HPSE2: variants seen among roughly 807,000 people sequenced by gnomAD.
The protein encoded by HPSE2 is inactive heparanase-2.
In HPSE2, 38 loss-of-function variants were observed where a neutral mutation model predicts 60.5. The ratio of observed to expected loss-of-function variants is 0.63; its 90% confidence interval spans 0.48 to 0.82. The LOEUF is 0.82. HPSE2 is among the 40% of genes least tolerant of loss of function. The probability of loss-of-function intolerance (pLI) is 0.00; values close to 1 mark genes in which losing one functional copy is unlikely to be tolerated. For synonymous variants in HPSE2, 295 were observed against 293.2 expected (o/e 1.01, Z -0.06); for missense variants, 713 against 740.4 (o/e 0.96, Z 0.43).
chr10:98,569,709 T>G (rs748841519), intron 9 of HPSE2, among the ~76,000 whole-genome samples: 6 of 152,282 alleles, frequency 3.9e-5, no homozygotes, highest in Middle Eastern at 3.4e-3. Context: ...CTATCTGTTT[T>G]GCACGGGACT....
chr10:98,912,128 A>G (rs1328183158), intron 3 of HPSE2, among the ~76,000 whole-genome samples: 1 of 152,206 alleles, frequency 6.6e-6, no homozygotes, highest in Admixed American at 6.6e-5. Context: ...GATAATTACC[A>G]TCAACAGGAT....
intron 9 of HPSE2, among the ~76,000 whole-genome samples, chr10:98,507,196 T>C (rs545566651): frequency 1.8e-4 from 28 of 152,248 alleles, no homozygotes; most frequent in South Asian, 4.1e-4. Context: ...AGGTAACTCA[T>C]AGGTTGATGG....
chr10:98,717,356 C>T (rs1330362754), intron 5 of HPSE2, among the ~76,000 whole-genome samples: 3 of 152,078 alleles, frequency 2.0e-5, no homozygotes, highest in Non-Finnish European at 4.4e-5. Context: ...TAATTTCCTT[C>T]AAGAACTTTA....
At chr10:98,570,759 A>C (rs1944471574) in intron 9 of HPSE2, among the ~76,000 whole-genome samples, 1 of 152,154 alleles carries the variant, frequency 6.6e-6, no homozygotes, top group Non-Finnish European at 1.5e-5. Context: ...GTGGACAACC[A>C]ACCTGGATAG....
At chr10:99,288,059 G>C in the HPSE2 span, among the ~76,000 whole-genome samples, 3 of 152,186 alleles carry the variant, frequency 2.0e-5, no homozygotes, top group Non-Finnish European at 4.4e-5. Context: ...TTGAAAAAAT[G>C]TAAGAATAGG....
At chr10:98,775,825 T>C (rs535179996) in intron 3 of HPSE2, among the ~76,000 whole-genome samples, 1 of 152,294 alleles carries the variant, frequency 6.6e-6, no homozygotes, top group Admixed American at 6.5e-5. Flanking sequence ...AACTGGTGCA[T>C]GTGAAAAAAT....
intron 2 of HPSE2, among the ~76,000 whole-genome samples, chr10:99,162,149 A>G (rs547857798): frequency 1.3e-5 from 2 of 152,304 alleles, no homozygotes; most frequent in South Asian, 4.1e-4. Flanking sequence ...ATAACACTGA[A>G]TCATACACTC....
chr10:99,027,198 TAAAC>T (rs1447812025), intron 3 of HPSE2, among the ~76,000 whole-genome samples: 2 of 149,832 alleles, frequency 1.3e-5, no homozygotes, highest in African/African-American at 4.9e-5. Context: ...TTTGAAAAGT[TAAAC>T]AAAATTGACA....
At chr10:98,884,366 C>T (rs368457145) in intron 3 of HPSE2, among the ~76,000 whole-genome samples, 14 of 152,194 alleles carry the variant, frequency 9.2e-5, no homozygotes, top group African/African-American at 2.6e-4. Flanking sequence ...AGATTTTCGA[C>T]GTAGTTGAAA....
intron 3 of HPSE2, among the ~76,000 whole-genome samples, chr10:98,749,419 C>CAT (rs1284337489): frequency 4.6e-5 from 7 of 150,750 alleles, no homozygotes; most frequent in East Asian, 2.0e-4. Context: ...CATATACATG[C>CAT]ATATATATAT....
intron 3 of HPSE2, among the ~76,000 whole-genome samples, chr10:99,108,609 C>T (rs190544967): frequency 1.3e-5 from 2 of 152,180 alleles, no homozygotes; most frequent in East Asian, 1.9e-4. Flanking sequence ...TACTCTATAA[C>T]GAGACCATAT....
rs1948010048 is a variant in HPSE2 at position 98,689,199 on chromosome 10, C to G, written c.1004+4701G>C. Among the ~76,000 whole-genome samples the G allele has an allele frequency of 3.3e-5, 5 of 152,094 alleles. 1 individual carries two copies. In the South Asian group the frequency reaches 1.0e-3, roughly 32 times the overall value. ...AAATTTCTGCCACATTTTCTTTTTC[C>G]TGTTCGTCTGAACTCTAATTGTGCA... is the stretch of plus-strand genomic sequence containing the variant. On this transcript the variant is annotated intron_variant, in intron 6 of 11. Coordinates refer to ENST00000370552, the MANE Select transcript of HPSE2 (RefSeq NM_021828.5).
At chr10:99,160,284 C>T (rs1846774355) in intron 2 of HPSE2, among the ~76,000 whole-genome samples, 1 of 152,042 alleles carries the variant, frequency 6.6e-6, no homozygotes, top group African/African-American at 2.4e-5. Context: ...ATAGACATTT[C>T]ACCAAAGACA....
chr10:98,509,625 C>A (rs1182879323), intron 9 of HPSE2, among the ~76,000 whole-genome samples: 2 of 151,868 alleles, frequency 1.3e-5, no homozygotes, highest in East Asian at 2.0e-4. Flanking sequence ...CCTCAGCCAC[C>A]CGAGTAGCTG....
chr10:98,505,097 C>T (rs1942157705), intron 9 of HPSE2, among the ~76,000 whole-genome samples: 1 of 152,088 alleles, frequency 6.6e-6, no homozygotes, highest in Non-Finnish European at 1.5e-5. Flanking sequence ...TATCTATTCT[C>T]CTACTGATGG....
intron 3 of HPSE2, among the ~76,000 whole-genome samples, chr10:99,001,266 A>G (rs1956771840): frequency 6.6e-6 from 1 of 152,094 alleles, no homozygotes; most frequent in Admixed American, 6.6e-5. Context: ...CTCTCACTAT[A>G]GGTCACAGCA....
chr10:99,066,907 T>C (rs2096206), intron 3 of HPSE2, among the ~76,000 whole-genome samples: 99,921 of 151,926 alleles, frequency 0.66, 37,028 homozygotes, highest in Non-Finnish European at 0.81. Flanking sequence ...TGAGACAAGG[T>C]AAGTCCTTTC....
At chr10:98,686,691 A>G (rs1947925691) in intron 6 of HPSE2, among the ~76,000 whole-genome samples, 1 of 152,118 alleles carries the variant, frequency 6.6e-6, no homozygotes, top group South Asian at 2.1e-4. Context: ...AGGCACATAT[A>G]TTATTTTGAA....
chr10:99,231,492 G>A (rs1200906480), intron 2 of HPSE2, among the ~76,000 whole-genome samples: 1 of 152,146 alleles, frequency 6.6e-6, no homozygotes, highest in Admixed American at 6.5e-5. Flanking sequence ...TAAACAGGAA[G>A]TTCATAGATG....
Sources: gnomAD v4.1 joint callset for allele counts (sites outside exome capture counted in the v4.1 genomes callset) on GRCh38, gnomAD v4.1.1 for gene constraint, MANE v1.5 for transcripts, NCBI Gene and HGNC (gene_info 2026-07-23, HGNC 2026-07-21) for gene names.